The following AGMO variants were observed in gnomAD, a reference collection of about 807,000 sequenced individuals.
AGMO encodes alkylglycerol monooxygenase.
In AGMO, 75 loss-of-function variants were observed where a neutral mutation model predicts 60.2. That is an observed-to-expected ratio of 1.25 (90% CI 1.03 to 1.51). The LOEUF is 1.51. Ranked by LOEUF, AGMO falls within the 40% of genes most tolerant of loss-of-function variation. AGMO has a pLI of 0.00. For synonymous variants in AGMO, 261 were observed against 177.1 expected, an observed-to-expected ratio of 1.47 and a Z score of -3.76; for missense variants, 763 against 525.5, an observed-to-expected ratio of 1.45 and a Z score of -4.42.
At chr7:15,417,571 T>A (rs1780808566) in intron 5 of AGMO, among the ~76,000 whole-genome samples, 1 of 152,206 alleles carries the variant, frequency 6.6e-6, no homozygotes, top group Non-Finnish European at 1.5e-5. Context: ...GCAACATCTC[T>A]TTCAGATGGT....
intron 12 of AGMO, among the ~76,000 whole-genome samples, chr7:15,290,839 A>C (rs1563072185): frequency 1.3e-5 from 2 of 152,208 alleles, no homozygotes; most frequent in Non-Finnish European, 2.9e-5. Context: ...GAGATCTTAC[A>C]CTAGACCACC....
At chr7:15,354,406 ACACACGTGTGTGT>A (rs1782403804) in intron 12 of AGMO, among the ~76,000 whole-genome samples, 1 of 31,952 alleles carries the variant, frequency 3.1e-5, no homozygotes, top group Non-Finnish European at 4.8e-5. Context: ...ACGTGTGTGT[ACACACGTGTGTGT>A]ATACACACAC....
At chr7:15,472,222 C>A (rs1266078821) in intron 3 of AGMO, among the ~76,000 whole-genome samples, 4 of 151,788 alleles carry the variant, frequency 2.6e-5, no homozygotes, top group Non-Finnish European at 5.9e-5. Context: ...GAAGTTCTGG[C>A]TCAGCGATAA....
chr7:15,264,965 A>G (rs1783388767), intron 12 of AGMO, among the ~76,000 whole-genome samples: 1 of 152,118 alleles, frequency 6.6e-6, no homozygotes, highest in African/African-American at 2.4e-5. Context: ...CATTCTATCA[A>G]GAAGACACAT....
At chr7:15,227,372 A>G (rs1321751294) in intron 12 of AGMO, among the ~76,000 whole-genome samples, 1 of 152,032 alleles carries the variant, frequency 6.6e-6, no homozygotes, top group Non-Finnish European at 1.5e-5. Flanking sequence ...GGTTATTTCC[A>G]GTTTCTACCT....
At chr7:15,246,542 A>G (rs1782748353) in intron 12 of AGMO, among the ~76,000 whole-genome samples, 1 of 152,158 alleles carries the variant, frequency 6.6e-6, no homozygotes, top group Non-Finnish European at 1.5e-5. Flanking sequence ...AGCTTTCTCA[A>G]ATTCTTGTAG....
At chr7:15,122,457 C>T in the AGMO span, among the ~76,000 whole-genome samples, 3 of 152,104 alleles carry the variant, frequency 2.0e-5, no homozygotes, top group African/African-American at 7.2e-5. Context: ...AGACTTCTCT[C>T]CCAAACTACA....
intron 12 of AGMO, among the ~76,000 whole-genome samples, chr7:15,346,715 C>T (rs1782046993): frequency 6.6e-6 from 1 of 151,242 alleles, no homozygotes. Context: ...AGAGCTAAAT[C>T]CAAAAATCAA....
chr7:15,251,331 C>T (rs112768308), intron 12 of AGMO, among the ~76,000 whole-genome samples: 2,667 of 152,192 alleles, frequency 0.018, 105 homozygotes, highest in Admixed American at 0.1. Context: ...CAGGTACCAA[C>T]CAGGAAAGTA....
intron 2 of AGMO, among the ~76,000 whole-genome samples, chr7:15,548,913 A>C (rs913488316): frequency 7.5e-5 from 11 of 147,192 alleles, no homozygotes; most frequent in African/African-American, 2.7e-4. Flanking sequence ...GGGCAGCCAG[A>C]GAGAAAGGTC....
At chr7:15,351,637 T>TA (rs1329011983) in intron 12 of AGMO, among the ~76,000 whole-genome samples, 1 of 152,186 alleles carries the variant, frequency 6.6e-6, no homozygotes, top group African/African-American at 2.4e-5. Flanking sequence ...GCTGAGTTGT[T>TA]ACCATGCTTT....
chr7:15,277,202 G>A (rs1783823059), intron 12 of AGMO, among the ~76,000 whole-genome samples: 1 of 151,900 alleles, frequency 6.6e-6, no homozygotes, highest in Admixed American at 6.6e-5. Flanking sequence ...CAGCTAGTCG[G>A]GAGGCTGAGG....
At chr7:15,186,092 C>G in the AGMO span, among the ~76,000 whole-genome samples, 1 of 152,146 alleles carries the variant, frequency 6.6e-6, no homozygotes, top group Admixed American at 6.5e-5. Flanking sequence ...CTCTCAATAC[C>G]TTGGCCATTG....
the AGMO span, among the ~76,000 whole-genome samples, chr7:15,129,961 A>C: frequency 6.6e-6 from 1 of 152,086 alleles, no homozygotes; most frequent in Non-Finnish European, 1.5e-5. Flanking sequence ...CCAAGGGTTT[A>C]ATTTAAAGAG....
chr7:15,410,089 T>C (rs1191359792), intron 5 of AGMO, among the ~76,000 whole-genome samples: 1 of 151,810 alleles, frequency 6.6e-6, no homozygotes, highest in Non-Finnish European at 1.5e-5. Flanking sequence ...TAACTGAGAA[T>C]TCTTGGGCTG....
the AGMO span, among the ~76,000 whole-genome samples, chr7:15,151,559 T>C: frequency 6.6e-6 from 1 of 152,172 alleles, no homozygotes; most frequent in East Asian, 1.9e-4. Context: ...AATTTAATTG[T>C]TTATGCAAAA....
At chr7:15,184,462 A>T in the AGMO span, among the ~76,000 whole-genome samples, 3 of 123,070 alleles carry the variant, frequency 2.4e-5, no homozygotes, top group South Asian at 2.9e-4. Flanking sequence ...AAGGGAGGTA[A>T]GAAGGAAGGA....
chr7:15,276,056 C>T (rs968644745), intron 12 of AGMO, among the ~76,000 whole-genome samples: 1 of 152,056 alleles, frequency 6.6e-6, no homozygotes, highest in Admixed American at 6.6e-5. Flanking sequence ...TGAGGTTGTG[C>T]TTCTGTCCTA....
At chr7:15,530,401 G>A (rs974931050) in intron 3 of AGMO, among the ~76,000 whole-genome samples, 3 of 125,076 alleles carry the variant, frequency 2.4e-5, no homozygotes, top group South Asian at 5.2e-4. Context: ...TTCTATATAC[G>A]TATTTCTATA....
Sources: gnomAD v4.1 joint callset for allele counts (sites outside exome capture counted in the v4.1 genomes callset) on GRCh38, gnomAD v4.1.1 for gene constraint, MANE v1.5 for transcripts, NCBI Gene and HGNC (gene_info 2026-07-23, HGNC 2026-07-21) for gene names.